The following SLC2A13 variants were observed in gnomAD, a reference collection of about 807,000 sequenced individuals.
The protein encoded by SLC2A13 is proton myo-inositol cotransporter.
In SLC2A13, 32 loss-of-function variants were observed where a neutral mutation model predicts 64.4. The observed-to-expected ratio is 0.50, with a 90% CI of 0.37 to 0.67. The LOEUF is 0.67. Among genes scored for constraint, SLC2A13 ranks in the 30% least tolerant of loss-of-function variants. The probability of loss-of-function intolerance (pLI) is 0.00; values close to 1 mark genes in which losing one functional copy is unlikely to be tolerated. For synonymous variants in SLC2A13, 338 were observed against 327.1 expected, an observed-to-expected ratio of 1.03 and a Z score of -0.36; for missense variants, 743 against 829.2, an observed-to-expected ratio of 0.90 and a Z score of 1.28.
chr12:39,919,153 T>C (rs1945571828), intron 4 of SLC2A13, among the ~76,000 whole-genome samples: 2 of 151,944 alleles, frequency 1.3e-5, no homozygotes, highest in Admixed American at 1.3e-4. Context: ...TGCATACATA[T>C]ATGTATACAC....
intron 3 of SLC2A13, among the ~76,000 whole-genome samples, chr12:39,967,395 G>A (rs565500350): frequency 6.6e-6 from 1 of 152,280 alleles, no homozygotes; most frequent in South Asian, 2.1e-4. Context: ...GTGAAGCAAT[G>A]TCTAGCTGAG....
intron 1 of SLC2A13, among the ~76,000 whole-genome samples, chr12:40,055,490 G>A (rs760897991): frequency 6.6e-5 from 10 of 152,162 alleles, no homozygotes; most frequent in Non-Finnish European, 1.5e-4. Flanking sequence ...AGGACTACAA[G>A]CCTGTTAATG....
At chr12:39,942,419 C>T (rs1200806264) in intron 4 of SLC2A13, among the ~76,000 whole-genome samples, 1 of 152,116 alleles carries the variant, frequency 6.6e-6, no homozygotes, top group Non-Finnish European at 1.5e-5. Context: ...CTGTAGAGGT[C>T]TTTCAACCCC....
intron 7 of SLC2A13, among the ~76,000 whole-genome samples, chr12:39,785,592 G>A (rs924312937): frequency 3.9e-5 from 6 of 152,146 alleles, no homozygotes; most frequent in Non-Finnish European, 8.8e-5. Flanking sequence ...TGTGAGAAGA[G>A]GGCCACCATC....
intron 1 of SLC2A13, among the ~76,000 whole-genome samples, chr12:40,050,759 A>G (rs1476524268): frequency 6.6e-6 from 1 of 152,194 alleles, no homozygotes; most frequent in Admixed American, 6.5e-5. Context: ...ACGGATCATC[A>G]TAAGTAAGGG....
At chr12:39,972,993 G>A (rs1946692983) in intron 3 of SLC2A13, among the ~76,000 whole-genome samples, 1 of 151,586 alleles carries the variant, frequency 6.6e-6, no homozygotes, top group Admixed American at 6.6e-5. Flanking sequence ...CTTGAACCTG[G>A]CAGGTGGAGT....
chr12:39,820,716 T>G (rs1169721746), intron 7 of SLC2A13, among the ~76,000 whole-genome samples: 3 of 45,980 alleles, frequency 6.5e-5, no homozygotes, highest in African/African-American at 2.8e-4. Flanking sequence ...AATTTTTAAA[T>G]TTATATATAT....
At chr12:39,846,296 C>A (rs1326501484) in intron 6 of SLC2A13, among the ~76,000 whole-genome samples, 2 of 152,120 alleles carry the variant, frequency 1.3e-5, no homozygotes, top group Non-Finnish European at 2.9e-5. Flanking sequence ...GGGTACATTA[C>A]ACCCTCCCTT....
At chr12:39,986,315 C>T (rs1253249055) in intron 3 of SLC2A13, among the ~76,000 whole-genome samples, 1 of 152,002 alleles carries the variant, frequency 6.6e-6, no homozygotes, top group African/African-American at 2.4e-5. Flanking sequence ...TCAAAGCATA[C>T]ACATATTCTG....
intron 1 of SLC2A13, chr12:40,068,504 C>A (rs901156301): frequency 1.2e-5 from 3 of 258,954 alleles, no homozygotes; most frequent in Admixed American, 8.2e-5. Context: ...GCTTGTACCC[C>A]AGGACATACT....
intron 1 of SLC2A13, among the ~76,000 whole-genome samples, chr12:40,054,200 A>G (rs1479479762): frequency 6.6e-6 from 1 of 152,186 alleles, no homozygotes; most frequent in African/African-American, 2.4e-5. Context: ...CTCTGGTACT[A>G]TAACTCAAAG....
intron 2 of SLC2A13, among the ~76,000 whole-genome samples, chr12:40,040,216 A>T (rs1475594375): frequency 6.6e-6 from 1 of 152,226 alleles, no homozygotes; most frequent in African/African-American, 2.4e-5. Context: ...CTACTAGCTC[A>T]TTTGATCCCG....
intron 1 of SLC2A13, among the ~76,000 whole-genome samples, chr12:40,061,444 A>G (rs1948420433): frequency 6.6e-6 from 1 of 152,148 alleles, no homozygotes; most frequent in African/African-American, 2.4e-5. Context: ...CATTGAGGCA[A>G]AAAACATAAC....
At chr12:39,904,228 T>G (rs989631888) in intron 4 of SLC2A13, among the ~76,000 whole-genome samples, 1 of 152,110 alleles carries the variant, frequency 6.6e-6, no homozygotes, top group Non-Finnish European at 1.5e-5. Context: ...AAAGATTCAG[T>G]GCCCAGGGTT....
At chr12:40,103,611 A>C (rs1313375663) in intron 1 of SLC2A13, among the ~76,000 whole-genome samples, 1 of 152,244 alleles carries the variant, frequency 6.6e-6, no homozygotes, top group Non-Finnish European at 1.5e-5. Flanking sequence ...AACACTAGGA[A>C]GCTTCATTTA....
intron 4 of SLC2A13, among the ~76,000 whole-genome samples, chr12:39,946,723 GC>G: frequency 6.6e-6 from 1 of 152,352 alleles, no homozygotes; most frequent in East Asian, 1.9e-4. Flanking sequence ...TCCCGCAACA[GC>G]CCCAAGTCTG....
chr12:40,028,827 C>T (rs1332174709), intron 2 of SLC2A13, among the ~76,000 whole-genome samples: 1 of 152,176 alleles, frequency 6.6e-6, no homozygotes, highest in African/African-American at 2.4e-5. Context: ...AATCACCATT[C>T]CTATGTAAGG....
intron 4 of SLC2A13, among the ~76,000 whole-genome samples, chr12:39,943,022 C>T (rs1338304333): frequency 6.6e-6 from 1 of 152,194 alleles, no homozygotes; most frequent in Non-Finnish European, 1.5e-5. Context: ...CCCTCTCCTG[C>T]AGATCTGCCG....
chr12:39,777,197 A>T (rs1488956831), intron 7 of SLC2A13, among the ~76,000 whole-genome samples: 1 of 152,196 alleles, frequency 6.6e-6, no homozygotes, highest in Non-Finnish European at 1.5e-5. Context: ...TGCCATAATG[A>T]GCCAATCATA....
Sources: allele counts gnomAD v4.1 joint callset (sites outside exome capture counted in the v4.1 genomes callset), GRCh38; gene constraint gnomAD v4.1.1; transcripts MANE v1.5; gene names NCBI Gene and HGNC (gene_info 2026-07-23, HGNC 2026-07-21).